Variants in CAMTA1 observed in about 807,000 individuals in gnomAD.
CAMTA1 encodes the protein calmodulin binding transcription activator 1.
In CAMTA1, 27 loss-of-function variants were observed where a neutral mutation model predicts 170.9. The observed-to-expected ratio is 0.16, with a 90% CI of 0.12 to 0.22. CAMTA1 has a LOEUF of 0.22. Ranked by LOEUF, CAMTA1 falls within the 10% of genes least tolerant of loss-of-function variation. The pLI, the probability that CAMTA1 is intolerant of heterozygous loss-of-function variation, is 1.00. For missense variants in CAMTA1, 1,619 were observed against 2,217.2 expected, an observed-to-expected ratio of 0.73 and a Z score of 5.42; for synonymous variants, 833 against 891.5, an observed-to-expected ratio of 0.93 and a Z score of 1.17.
intron 6 of CAMTA1, among the ~76,000 whole-genome samples, chr1:7,478,152 C>T (rs2093452381): frequency 6.6e-6 from 1 of 152,214 alleles, no homozygotes; most frequent in Admixed American, 6.5e-5. Flanking sequence ...AGGACCCTTT[C>T]CAGCAGCTTT....
chr1:7,101,918 T>C (rs889620178), intron 4 of CAMTA1, among the ~76,000 whole-genome samples: 19 of 152,044 alleles, frequency 1.2e-4, no homozygotes, highest in African/African-American at 4.1e-4. Context: ...TACACACATG[T>C]ACACACAACA....
chr1:6,844,508 C>CA (rs34365054), intron 3 of CAMTA1, among the ~76,000 whole-genome samples: 36 of 96,504 alleles, frequency 3.7e-4, no homozygotes, highest in Admixed American at 1.2e-3. Context: ...CATTGCATTA[C>CA]AAAAAAAAAA....
intron 4 of CAMTA1, among the ~76,000 whole-genome samples, chr1:7,095,755 G>T (rs10864279): frequency 0.26 from 38,861 of 152,196 alleles, 5,246 homozygotes; most frequent in African/African-American, 0.33. Context: ...CCTCTGAATT[G>T]GAGTTAGCCC....
intron 3 of CAMTA1, among the ~76,000 whole-genome samples, chr1:6,912,837 C>T (rs551795766): frequency 9.2e-5 from 14 of 152,232 alleles, no homozygotes; most frequent in Non-Finnish European, 1.8e-4. Flanking sequence ...TCCCACTACC[C>T]AGTCGGCAGC....
chr1:7,374,057 CT>C (rs2086672121), intron 5 of CAMTA1, among the ~76,000 whole-genome samples: 1 of 152,212 alleles, frequency 6.6e-6, no homozygotes, highest in Non-Finnish European at 1.5e-5. Flanking sequence ...CAGAGCCTGC[CT>C]CCCCGCCTCA....
chr1:7,000,164 T>C (rs569771467), intron 3 of CAMTA1, among the ~76,000 whole-genome samples: 3 of 152,152 alleles, frequency 2.0e-5, no homozygotes, highest in Admixed American at 6.5e-5. Flanking sequence ...CAAGATGGAG[T>C]GGGGAGCTGG....
chr1:7,275,937 T>C (rs1029586476), intron 5 of CAMTA1, among the ~76,000 whole-genome samples: 5 of 152,068 alleles, frequency 3.3e-5, no homozygotes, highest in African/African-American at 1.2e-4. Context: ...GTAAAGACGT[T>C]ACAAGAAAAC....
At chr1:6,845,974 C>T (rs1331074594) in intron 3 of CAMTA1, among the ~76,000 whole-genome samples, 1 of 152,172 alleles carries the variant, frequency 6.6e-6, no homozygotes, top group Non-Finnish European at 1.5e-5. Flanking sequence ...AAAGGCATGT[C>T]ATACATGGCA....
Position 7,348,096 on chromosome 1 carries a change from C to T in CAMTA1, c.438+98470C>T, listed in dbSNP as rs572193919. On this transcript the variant is annotated intron_variant, in intron 5 of 22. Transcript: ENST00000303635. The stretch of plus-strand genomic sequence containing the variant: ...GGACTGACCAGGGGCTGTGCTCACT[C>T]GCAGGGCCTCTGGTGTCTCTGCCTC... 4.6e-5 allele frequency among the ~76,000 whole-genome samples: 7 copies of T among 152,268 alleles called. No homozygotes were observed. The South Asian group carries it at 1.0e-3, about 23-fold the overall frequency.
rs572972145 is a variant in CAMTA1 at position 7,428,528 on chromosome 1, G to A, written c.439-39302G>A. Among the ~76,000 whole-genome samples, 16 of 152,202 alleles carry A rather than the reference G, an allele frequency of 1.1e-4. No homozygotes were observed. In the South Asian group the frequency reaches 3.3e-3, roughly 32 times the overall value. On this transcript the variant is annotated intron_variant, in intron 5 of 22. Coordinates refer to ENST00000303635, the MANE Select transcript of CAMTA1 (RefSeq NM_015215.4). ...GGAGCACATAGAGTCAAGTCCAGAT[G>A]CCTTCCCGCATAGGTGATAGGTCAG...
chr1:6,826,082 T>TAA (rs1201918771), intron 3 of CAMTA1, among the ~76,000 whole-genome samples: 1 of 152,224 alleles, frequency 6.6e-6, no homozygotes, highest in East Asian at 1.9e-4. Flanking sequence ...TCAGTTCTGT[T>TAA]AAAAGACACA....
intron 3 of CAMTA1, among the ~76,000 whole-genome samples, chr1:6,923,134 G>A (rs773865913): frequency 6.6e-5 from 10 of 152,146 alleles, no homozygotes; most frequent in Non-Finnish European, 1.0e-4. Flanking sequence ...TGAATTGCAG[G>A]CACTCACTCT....
chr1:7,579,947 T>C (rs1047902900), intron 6 of CAMTA1, among the ~76,000 whole-genome samples: 3 of 152,230 alleles, frequency 2.0e-5, no homozygotes, highest in African/African-American at 7.2e-5. Flanking sequence ...GAGATCTGGG[T>C]CGTGGCACCC....
rs755506381 is a variant in CAMTA1 at position 7,203,835 on chromosome 1, C to CT, written c.303-45643dup. 5.7e-3 allele frequency among the ~76,000 whole-genome samples: 802 copies of CT among 139,848 alleles called. 7 individuals carry two copies. The highest frequency in any genetic ancestry group is 7.3e-3 in the Middle Eastern group (2 of 274). 91.7% of individuals were successfully genotyped at this position (139,848 alleles called of 152,430 possible). ...TCATCAATTTTCTTTACTTTTCTTT[C>CT]TTTTTTTTTTTTTCGAGACGGAGTC... On this transcript the variant is annotated intron_variant, in intron 4 of 22. Coordinates refer to ENST00000303635, the MANE Select transcript of CAMTA1 (RefSeq NM_015215.4).
intron 5 of CAMTA1, among the ~76,000 whole-genome samples, chr1:7,328,061 C>T (rs2082798278): frequency 6.6e-6 from 1 of 152,014 alleles, no homozygotes; most frequent in African/African-American, 2.4e-5. Flanking sequence ...TCTTTGACTC[C>T]TGTTGAGGTT....
Position 7,665,795 on chromosome 1 carries a change from A to T in CAMTA1, c.2652+596A>T, listed in dbSNP as rs4908471. ...CAGCCAGAGTCGTCTGCCGTTTCTC[A>T]ATTTATGTGTTGAGTCCATCTATGT... On this transcript the variant is annotated intron_variant, in intron 9 of 22. Transcript: ENST00000303635. This position sits in a 1 kb window ranked among gnomAD's most constrained non-coding sequence, Gnocchi z 4.3. Among the ~76,000 whole-genome samples the T allele has an allele frequency of 6.6e-6, 1 of 151,862 alleles. No individual in the cohort carries two copies. The highest frequency in any genetic ancestry group is 1.5e-5 in the Non-Finnish European group (1 of 67,958).
intron 6 of CAMTA1, among the ~76,000 whole-genome samples, chr1:7,521,826 C>T (rs1488469723): frequency 2.0e-5 from 3 of 152,164 alleles, no homozygotes; most frequent in African/African-American, 2.4e-5. Context: ...GGATTACAGG[C>T]GTGAGCCACT....
At chr1:7,168,497 G>T (rs61779999) in intron 4 of CAMTA1, among the ~76,000 whole-genome samples, 7 of 152,142 alleles carry the variant, frequency 4.6e-5, no homozygotes, top group African/African-American at 1.7e-4. Flanking sequence ...CTGCCTCCCA[G>T]GTTCAAGCAG....
rs895939139 is a variant in CAMTA1, at chr1:7,293,919, C to T, written c.438+44293C>T. 7.9e-5 allele frequency among the ~76,000 whole-genome samples: 12 copies of T among 152,342 alleles called. No individual in the cohort carries two copies. The highest frequency in any genetic ancestry group is 1.6e-4 in the Non-Finnish European group (11 of 68,034). Reference sequence around the variant, plus strand: ...GCATTTGGCTTTTGTAATCCTTTTTCTGCTTCGTGCTAGCAGCCTCGCACT... The same window carrying T: ...GCATTTGGCTTTTGTAATCCTTTTTTTGCTTCGTGCTAGCAGCCTCGCACT... On this transcript the variant is annotated intron_variant, in intron 5 of 22. Transcript: ENST00000303635. This position sits in a 1 kb window ranked among gnomAD's most constrained non-coding sequence, Gnocchi z 4.1.
Sources: allele counts gnomAD v4.1 joint callset (sites outside exome capture counted in the v4.1 genomes callset), GRCh38; gene constraint gnomAD v4.1.1; non-coding constraint Gnocchi (gnomAD v3.1); transcripts MANE v1.5; gene names NCBI Gene and HGNC (gene_info 2026-07-23, HGNC 2026-07-21).